Variants in C11orf71 observed in about 807,000 individuals in gnomAD.
C11orf71 encodes the protein chromosome 11 open reading frame 71.
For missense variants in C11orf71, 179 were observed against 167.6 expected, an observed-to-expected ratio of 1.07 and a Z score of -0.38; for synonymous variants, 72 against 73.4, an observed-to-expected ratio of 0.98 and a Z score of 0.09.
chr11:114,394,405 C>T (rs1355309326), downstream of C11orf71, among the ~76,000 whole-genome samples: 1 of 151,908 alleles, frequency 6.6e-6, no homozygotes, highest in African/African-American at 2.4e-5. Context: ...AGCGATTCTC[C>T]TGCCTCAGAC....
At chr11:114,392,529 C>CAAAAAA (rs386374967) in intron 1 of C11orf71, among the ~76,000 whole-genome samples, 75 of 51,252 alleles carry the variant, frequency 1.5e-3, no homozygotes, top group Non-Finnish European at 1.6e-3. Flanking sequence ...TAGAATGAGA[C>CAAAAAA]AAAAAAAAAA....
chr11:114,394,366 C>T (rs1222532359), downstream of C11orf71, among the ~76,000 whole-genome samples: 1 of 151,148 alleles, frequency 6.6e-6, no homozygotes, highest in African/African-American at 2.4e-5. Context: ...ACGATCTTGG[C>T]TCACTGCAAC....
chr11:114,392,529 C>CAAAGAAAA (rs1946080410), intron 1 of C11orf71, among the ~76,000 whole-genome samples: 1 of 51,688 alleles, frequency 1.9e-5, no homozygotes, highest in East Asian at 7.2e-4. Flanking sequence ...TAGAATGAGA[C>CAAAGAAAA]AAAAAAAAAA....
At chr11:114,394,262 CTTT>C (rs796831484), downstream of C11orf71, among the ~76,000 whole-genome samples, 23 of 65,164 alleles carry the variant, frequency 3.5e-4, 1 homozygote, top group African/African-American at 1.9e-3. Flanking sequence ...CTTTTCTTTT[CTTT>C]TCTTTTCTTT....
At chr11:114,395,632 T>C (rs1946125942), downstream of C11orf71, among the ~76,000 whole-genome samples, 1 of 152,242 alleles carries the variant, frequency 6.6e-6, no homozygotes, top group South Asian at 2.1e-4. Context: ...CCAAGTAAAC[T>C]GTTACTTTAA....
chr11:114,399,668 C>G lies in C11orf71; in HGVS notation c.*292G>C, dbSNP rs1591195092. 2.9e-6 allele frequency: 1 copy of G among 349,726 alleles called. No homozygotes were observed. 21.7% of individuals were successfully genotyped at this position (349,726 alleles called of 1,614,324 possible). On this transcript the variant is annotated 3_prime_UTR_variant, in exon 1 of 1. Coordinates refer to ENST00000623205, the MANE Select transcript of C11orf71 (RefSeq NM_001271562.2). ...GGTAAAGGTTAAGTGTCTGAGTTAA[C>G]GAATGGATTGTTGACCTCTGGGGAG...
chr11:114,394,198 C>CTTTT (rs750976526), downstream of C11orf71, among the ~76,000 whole-genome samples: 8 of 41,772 alleles, frequency 1.9e-4, 1 homozygote, highest in East Asian at 2.7e-3. Flanking sequence ...CTTTTCTTTT[C>CTTTT]TTTTCTTTTC....
intron 1 of C11orf71, among the ~76,000 whole-genome samples, chr11:114,392,345 C>A (rs143125364): frequency 3.3e-5 from 5 of 152,020 alleles, no homozygotes; most frequent in African/African-American, 9.6e-5. Context: ...CGAGACCAGT[C>A]TGGCCAACAT....
At chr11:114,394,490 T>A (rs546790901), downstream of C11orf71, among the ~76,000 whole-genome samples, 35 of 152,104 alleles carry the variant, frequency 2.3e-4, no homozygotes, top group South Asian at 3.3e-3. Flanking sequence ...AGATGGGGTT[T>A]CACCATGTTG....
rs1946163914 is a variant in C11orf71, at chr11:114,399,693, G to A, written c.*267C>T. The A allele has an allele frequency of 2.3e-6, 1 of 436,354 alleles. No individual in the cohort carries two copies. Among genetic ancestry groups the A allele is most frequent in the Non-Finnish European group, 4.0e-6 (1 of 247,620 alleles). 27.0% of individuals were successfully genotyped at this position (436,354 alleles called of 1,614,324 possible). On this transcript the variant is annotated 3_prime_UTR_variant, in exon 1 of 1. Coordinates refer to ENST00000623205, the MANE Select transcript of C11orf71 (RefSeq NM_001271562.2). ...CGAATGGATTGTTGACCTCTGGGGAGGGTGCTCCCATCAGCTCAGCTTTGT... is the reference window on the plus strand; with the variant it reads ...CGAATGGATTGTTGACCTCTGGGGAAGGTGCTCCCATCAGCTCAGCTTTGT...
At chr11:114,392,302 C>G (rs1320635514) in intron 1 of C11orf71, among the ~76,000 whole-genome samples, 1 of 151,856 alleles carries the variant, frequency 6.6e-6, no homozygotes, top group Non-Finnish European at 1.5e-5. Context: ...CTTTGGGAGG[C>G]CGAGGCGAGT....
At position 114,399,809 on chromosome 11, in the gene C11orf71, C is replaced by T. The variant is rs1394310878; in HGVS notation, c.*151G>A. The T allele has an allele frequency of 8.9e-7, 1 of 1,129,234 alleles. No individual in the cohort carries two copies. 70.0% of individuals were successfully genotyped at this position (1,129,234 alleles called of 1,614,324 possible). A position where few individuals can be genotyped will look rare whatever the true frequency, so the allele number is the denominator to read the frequency against. On this transcript the variant is annotated 3_prime_UTR_variant, in exon 1 of 1. Coordinates refer to ENST00000623205, the MANE Select transcript of C11orf71 (RefSeq NM_001271562.2). ...TAAATCAATCAACTGTTACACTTCC[C>T]TTAGTGCTAGGACATATTCATATAA...
downstream of C11orf71, among the ~76,000 whole-genome samples, chr11:114,394,958 C>T (rs1409840251): frequency 6.7e-6 from 1 of 150,302 alleles, no homozygotes; most frequent in African/African-American, 2.5e-5. Context: ...TAATTGCAGA[C>T]AAAAGAGACT....
chr11:114,395,705 T>G (rs143542315), downstream of C11orf71, among the ~76,000 whole-genome samples: 1 of 152,360 alleles, frequency 6.6e-6, no homozygotes, highest in Non-Finnish European at 1.5e-5. Context: ...CATCAGTGGA[T>G]GTTCCTAATG....
At chr11:114,392,644 T>C (rs925332550) in intron 1 of C11orf71, among the ~76,000 whole-genome samples, 11 of 150,976 alleles carry the variant, frequency 7.3e-5, no homozygotes, top group Non-Finnish European at 1.3e-4. Context: ...GGTGGCAGAA[T>C]TGCCTGAGCC....
chr11:114,396,561 T>C (rs564247166), downstream of C11orf71, among the ~76,000 whole-genome samples: 116 of 152,170 alleles, frequency 7.6e-4, no homozygotes, highest in Non-Finnish European at 1.4e-3. Context: ...TCCAGGTAAA[T>C]ATAGTCCAGG....
downstream of C11orf71, among the ~76,000 whole-genome samples, chr11:114,395,566 T>C (rs1946125370): frequency 6.6e-6 from 1 of 152,208 alleles, no homozygotes; most frequent in African/African-American, 2.4e-5. Context: ...CTTCCTCTGA[T>C]TTAGAAGTGC....
At chr11:114,397,358 G>C (rs1011900373), downstream of C11orf71, among the ~76,000 whole-genome samples, 4 of 152,132 alleles carry the variant, frequency 2.6e-5, no homozygotes, top group Non-Finnish European at 5.9e-5. Flanking sequence ...CCCTGCTTTA[G>C]ATAATTTAAT....
chr11:114,399,536 T>C lies in C11orf71; in HGVS notation c.*424A>G, dbSNP rs766487941. On this transcript the variant is annotated 3_prime_UTR_variant, in exon 1 of 1. Coordinates refer to ENST00000623205, the MANE Select transcript of C11orf71 (RefSeq NM_001271562.2). Reference sequence around the variant, plus strand: ...ATTGGAGTCTGTTTGTAGACATATCTGAAAAAAGTGAAGGGGGAGATGGAA... The same window carrying C: ...ATTGGAGTCTGTTTGTAGACATATCCGAAAAAAGTGAAGGGGGAGATGGAA... 1 of 162,446 alleles carries C rather than the reference T, an allele frequency of 6.2e-6. No individual in the cohort carries two copies. The highest frequency in any genetic ancestry group is 1.3e-5 in the Non-Finnish European group (1 of 74,130). 10.1% of individuals were successfully genotyped at this position (162,446 alleles called of 1,614,324 possible).
Sources: gnomAD v4.1 joint callset for allele counts (sites outside exome capture counted in the v4.1 genomes callset) on GRCh38, gnomAD v4.1.1 for gene constraint, MANE v1.5 for transcripts, NCBI Gene and HGNC (gene_info 2026-07-23, HGNC 2026-07-21) for gene names.